The following GRB7 variants were observed in gnomAD, a reference collection of about 807,000 sequenced individuals.
The protein encoded by GRB7 is growth factor receptor-bound protein 7.
GRB7 carries 47 observed loss-of-function variants against 64.1 expected under a neutral mutation model. The ratio of observed to expected loss-of-function variants is 0.73; its 90% CI spans 0.58 to 0.94. The LOEUF (loss-of-function observed/expected upper bound fraction) is 0.94, where lower values mean the gene tolerates loss of function less well. Ranked by LOEUF, GRB7 falls within the 40% of genes least tolerant of loss-of-function variation. The pLI, the probability that GRB7 is intolerant of heterozygous loss-of-function variation, is 0.00. For missense variants in GRB7, 634 were observed against 718.4 expected (o/e 0.88, Z 1.34); for synonymous variants, 277 against 279.9 (o/e 0.99, Z 0.10).
Position 39,745,285 on chromosome 17 carries a change from C to A in GRB7, c.1054C>A (p.Arg352Ser). The change falls in exon 10 of 15, where the codon CGC becomes AGC. Residue 352 changes from arginine (R) to serine (S), a missense_variant. By Grantham distance (110) the Arg-to-Ser change is moderately radical. Transcript: ENST00000309156. ...LYKNYQQAQSRHLHPSCLGSP... is the reference protein window; with the variant it reads ...LYKNYQQAQSSHLHPSCLGSP... The stretch of plus-strand genomic sequence containing the variant: ...CAAGAATTACCAGCAGGCACAGTCT[C>A]GCCATCTGCATCCATCTTGTTTGGG... 1 of 1,612,640 alleles carries A rather than the reference C, an allele frequency of 6.2e-7. No individual in the cohort carries two copies. The highest frequency in any genetic ancestry group is 1.1e-5 in the South Asian group (1 of 90,838).
intron 9 of GRB7, 87 bp downstream of exon 9, chr17:39,745,071 C>A: frequency 8.2e-7 from 1 of 1,212,894 alleles, no homozygotes; most frequent in Non-Finnish European, 1.2e-6. Context: ...ATGAGGAGGG[C>A]ATCACAGCCT....
At position 39,744,660 on chromosome 17, in the gene GRB7, C is replaced by T; in HGVS notation, c.909C>T (p.Val303=). The change falls in exon 8 of 15, where the codon GTC becomes GTT. Residue 303 remains valine (V), a synonymous_variant. Coordinates refer to ENST00000309156, the MANE Select transcript of GRB7 (RefSeq NM_005310.5). ...TGCCCACTGACTTCGGTTTCTGTGT[C>T]AAGGTGAAGACCTGGCCAGGCCTGG... The part of the protein sequence containing the change: ...YGMPTDFGFC[V]KPNKLRNGHK... 1 of 1,601,060 alleles carries T rather than the reference C, an allele frequency of 6.2e-7. No homozygotes were observed. The highest frequency in any genetic ancestry group is 1.1e-5 in the South Asian group (1 of 89,028).
At position 39,742,453 on chromosome 17, in the gene GRB7, G is replaced by C; in HGVS notation, c.152G>C (p.Gly51Ala). 2 of 1,613,830 alleles carry C rather than the reference G, an allele frequency of 1.2e-6. No individual in the cohort carries two copies. Among genetic ancestry groups the C allele is most frequent in the Middle Eastern group, 1.6e-4 (1 of 6,062 alleles). Residue 51 changes from glycine to alanine, a missense_variant, in exon 2 of 15, where the codon GGC becomes GCC. Transcript: ENST00000309156. ...CAGCCTCTCCTCATCCCAACCACCG[G>C]CAGGTACGATGGGGCGTGGGGCTTG... ...RSQPLLIPTTGRKLREEERRA... is the reference protein window; with the variant it reads ...RSQPLLIPTTARKLREEERRA...
intron 4 of GRB7, 44 bp downstream of exon 4, chr17:39,743,098 T>G: frequency 6.3e-7 from 1 of 1,598,164 alleles, no homozygotes; most frequent in South Asian, 1.1e-5. Flanking sequence ...AGATGATGCC[T>G]TGCATCTTGG....
At chr17:39,741,210 G>GC (rs1233940824) in intron 1 of GRB7, among the ~76,000 whole-genome samples, 1 of 152,186 alleles carries the variant, frequency 6.6e-6, no homozygotes, top group African/African-American at 2.4e-5. Flanking sequence ...GGATGATGCG[G>GC]CCCCCGCACA....
chr17:39,739,859 C>T (rs1195590056), intron 1 of GRB7: 1 of 301,776 alleles, frequency 3.3e-6, no homozygotes, highest in Admixed American at 6.5e-5. Context: ...TCTAAGCTGC[C>T]AGGCCCACAG....
intron 1 of GRB7, 96 bp downstream of exon 1, chr17:39,738,229 C>G (rs1418710887): frequency 6.6e-6 from 1 of 152,266 alleles, no homozygotes; most frequent in East Asian, 1.9e-4. Flanking sequence ...CTGAACTGGC[C>G]GGCGGCCCAG....
At position 39,743,250 on chromosome 17, in the gene GRB7, C is replaced by T. The variant is rs1236012621; in HGVS notation, c.534C>T (p.Arg178=). The part of the protein sequence containing the change: ...QAAWPVGGDS[R]FVFRKNFAKY... ...CCTGGCCCGTGGGCGGAGATAGCCGCTTCGTCTTCCGGAAAAACTTCGCCA... is the reference window on the plus strand; with the variant it reads ...CCTGGCCCGTGGGCGGAGATAGCCGTTTCGTCTTCCGGAAAAACTTCGCCA... Residue 178 remains arginine, a synonymous_variant, in exon 5 of 15, where the codon CGC becomes CGT. Transcript: ENST00000309156. 1.2e-6 allele frequency: 2 copies of T among 1,614,066 alleles called. No individual in the cohort carries two copies. The highest frequency in any genetic ancestry group is 2.2e-5 in the East Asian group (1 of 44,890).
Position 39,746,872 on chromosome 17 carries a change from A to T in GRB7, c.1574A>T (p.His525Leu). The change falls in exon 15 of 15, where the codon CAT (histidine) becomes CTT (leucine). Residue 525 changes from histidine to leucine, a missense_variant. Coordinates refer to ENST00000309156, the MANE Select transcript of GRB7 (RefSeq NM_005310.5). ...NRGILPCLLRHCCTRVAL is the reference protein window; with the variant it reads ...NRGILPCLLRLCCTRVAL The stretch of plus-strand genomic sequence containing the variant: ...GGCATCCTGCCGTGCTTGCTGCGCC[A>T]TTGCTGCACGCGGGTGGCCCTCTGA... The T allele has an allele frequency of 1.2e-6, 2 of 1,611,644 alleles. No individual in the cohort carries two copies. The highest frequency in any genetic ancestry group is 1.7e-6 in the Non-Finnish European group (2 of 1,179,932).
At chr17:39,743,908 A>ACTTGAG (rs1002992867) in intron 6 of GRB7, among the ~76,000 whole-genome samples, 162 bp from the exon 7 acceptor site, 11 of 151,066 alleles carry the variant, frequency 7.3e-5, no homozygotes, top group Non-Finnish European at 1.0e-4. Context: ...TGGGAGGATC[A>ACTTGAG]CTTGAGCTCG....
rs1051523423 is a variant in GRB7 at position 39,744,743 on chromosome 17, G to A, written c.912+80G>A. 13 of 1,373,420 alleles carry A rather than the reference G, an allele frequency of 9.5e-6. No individual in the cohort carries two copies. In the Admixed American group the frequency reaches 1.4e-4, roughly 15 times the overall value. The allele number at this position is 1,373,420 out of a possible 1,614,324, so 85.1% of individuals were successfully genotyped here. On this transcript the variant is annotated intron_variant, in intron 8 of 14. Coordinates refer to ENST00000309156, the MANE Select transcript of GRB7 (RefSeq NM_005310.5). The stretch of plus-strand genomic sequence containing the variant: ...CCCCTGGATCCTGCCCGGGGCTTCT[G>A]AGCCCCAATTCAGACACCTAGACTC...
chr17:39,741,853 T>C (rs560296165), intron 1 of GRB7, among the ~76,000 whole-genome samples: 39 of 149,954 alleles, frequency 2.6e-4, no homozygotes, highest in Non-Finnish European at 3.8e-4. Context: ...CTACTAAAAA[T>C]ACAAAAATTA....
intron 1 of GRB7, among the ~76,000 whole-genome samples, chr17:39,739,450 C>T (rs1401921740): frequency 6.6e-6 from 1 of 152,222 alleles, no homozygotes; most frequent in East Asian, 1.9e-4. Context: ...TTCTCACCTT[C>T]TCACCTGGGC....
chr17:39,742,097 G>A (rs1265825588), intron 1 of GRB7, among the ~76,000 whole-genome samples, 155 bp from the exon 2 acceptor site: 3 of 152,054 alleles, frequency 2.0e-5, no homozygotes, highest in African/African-American at 4.8e-5. Flanking sequence ...CAGAGACTCG[G>A]TGTCCCCTTT....
In GRB7 at chr17:39,745,988, G is replaced by C; in HGVS notation, c.1346G>C (p.Gly449Ala). Residue 449 changes from glycine to alanine, a missense_variant, in exon 13 of 15, where the codon GGC (glycine) becomes GCC (alanine). Gly to Ala is a moderately conservative substitution (Grantham distance 60). Transcript: ENST00000309156. ...AGCCAGCGGCTTATTGGACAGCAGG[G>C]CTTGGTAGACGGGTAAGGGGCAGGG... ...EESQRLIGQQGLVDGLFLVRE... is the reference protein window; with the variant it reads ...EESQRLIGQQALVDGLFLVRE... The C allele has an allele frequency of 6.2e-7, 1 of 1,614,052 alleles. No individual in the cohort carries two copies. The highest frequency in any genetic ancestry group is 8.5e-7 in the Non-Finnish European group (1 of 1,179,936).
At position 39,742,684 on chromosome 17, in the gene GRB7, G is replaced by T; in HGVS notation, c.274G>T (p.Gly92Trp). 6.3e-7 allele frequency: 1 copy of T among 1,584,506 alleles called. No homozygotes were observed. The highest frequency in any genetic ancestry group is 8.6e-7 in the Non-Finnish European group (1 of 1,165,472). Reference sequence around the variant, plus strand: ...TCTCGGGGGCCCCTCCAGTGCAAGGGGGCTGCTCCCCCGCGATGCCAGCCG... The same window carrying T: ...TCTCGGGGGCCCCTCCAGTGCAAGGTGGCTGCTCCCCCGCGATGCCAGCCG... ...PILGGPSSAR[G>W]LLPRDASRPH... is the part of the protein sequence containing the mutation. The change falls in exon 3 of 15, where the codon GGG (glycine) becomes TGG (tryptophan). Residue 92 changes from glycine (G) to tryptophan (W), a missense_variant. Transcript: ENST00000309156.
At position 39,746,170 on chromosome 17, in the gene GRB7, C is replaced by T. The variant is rs1294078935; in HGVS notation, c.1420C>T (p.Leu474=). 1.9e-6 allele frequency: 3 copies of T among 1,614,006 alleles called. No homozygotes were observed. Among genetic ancestry groups the T allele is most frequent in the Non-Finnish European group, 2.5e-6 (3 of 1,179,906 alleles). ...GGGCTTTGTCCTCTCTTTGTGCCAC[C>T]TGCAGAAAGTGAAGCATTATCTCAT... is the stretch of plus-strand genomic sequence containing the variant. ...PQGFVLSLCH[L]QKVKHYLILP... Residue 474 remains leucine (L), a synonymous_variant, in exon 14 of 15, where the codon CTG becomes TTG. Transcript: ENST00000309156.
intron 1 of GRB7, among the ~76,000 whole-genome samples, chr17:39,741,630 G>A (rs1191390000): frequency 5.3e-5 from 8 of 152,258 alleles, no homozygotes; most frequent in Admixed American, 4.6e-4. Flanking sequence ...CCTGAGGGCT[G>A]AGCCTGAGAG....
At chr17:39,740,747 T>A (rs1176764297) in intron 1 of GRB7, among the ~76,000 whole-genome samples, 1 of 152,136 alleles carries the variant, frequency 6.6e-6, no homozygotes, top group African/African-American at 2.4e-5. Context: ...CAGGGCTGTT[T>A]TTGTTTCTCC....
Sources: allele counts gnomAD v4.1 joint callset (sites outside exome capture counted in the v4.1 genomes callset), GRCh38; gene constraint gnomAD v4.1.1; transcripts MANE v1.5; gene names NCBI Gene and HGNC (gene_info 2026-07-23, HGNC 2026-07-21).